Variants in ZC3H6 observed in about 807,000 individuals in gnomAD.
ZC3H6 encodes the protein zinc finger CCCH-type containing 6.
ZC3H6 carries 40 observed loss-of-function variants against 107.7 expected under a neutral mutation model. The observed-to-expected ratio is 0.37, with a 90% CI of 0.29 to 0.48. The LOEUF (loss-of-function observed/expected upper bound fraction) is 0.48. ZC3H6 is among the 20% of genes least tolerant of loss of function. The probability of loss-of-function intolerance (pLI) is 0.98; values close to 1 mark genes in which losing one functional copy is unlikely to be tolerated. For synonymous variants in ZC3H6, 493 were observed against 487.9 expected, an observed-to-expected ratio of 1.01 and a Z score of -0.14; for missense variants, 1,267 against 1,410.4, an observed-to-expected ratio of 0.90 and a Z score of 1.63.
chr2:112,308,922 C>T (rs1254351454), intron 3 of ZC3H6, among the ~76,000 whole-genome samples: 1 of 151,502 alleles, frequency 6.6e-6, no homozygotes, highest in Non-Finnish European at 1.5e-5. Context: ...CATGTTGGTG[C>T]GCGCCTGTAA....
intron 1 of ZC3H6, among the ~76,000 whole-genome samples, chr2:112,293,468 A>T (rs1431319027): frequency 1.3e-5 from 2 of 152,244 alleles, no homozygotes; most frequent in African/African-American, 4.8e-5. Flanking sequence ...AGATTTTACC[A>T]CTGATAATTT....
chr2:112,332,618 C>A lies in ZC3H6; in HGVS notation c.*130C>A. The A allele has an allele frequency of 1.1e-6, 1 of 877,376 alleles. No individual in the cohort carries two copies. Among genetic ancestry groups the A allele is most frequent in the Non-Finnish European group, 1.7e-6 (1 of 597,578 alleles). 54.3% of individuals were successfully genotyped at this position (877,376 alleles called of 1,614,324 possible). A position where few individuals can be genotyped will look rare whatever the true frequency, so the allele number is the denominator to read the frequency against. On this transcript the variant is annotated 3_prime_UTR_variant, in exon 12 of 12. Transcript: ENST00000409871. ...CACTTTTCAGCTGCTAGTATCAGAA[C>A]CACATGAAGTTATAGCCTCTAAAGC...
Position 112,331,301 on chromosome 2 carries a change from C to T in ZC3H6, c.2383C>T (p.His795Tyr), listed in dbSNP as rs190394708. The change falls in exon 12 of 12, where the codon CAC becomes TAC. Residue 795 changes from histidine (H) to tyrosine (Y), a missense_variant. Transcript: ENST00000409871. ...PRKLRGNGSG[H>Y]IGSSVGGAKF... is the part of the protein sequence containing the mutation. The stretch of plus-strand genomic sequence containing the variant: ...GAAATTGAGAGGGAATGGAAGTGGT[C>T]ACATAGGCTCTTCTGTTGGTGGAGC... 211 of 1,613,606 alleles carry T rather than the reference C, an allele frequency of 1.3e-4. No individual in the cohort carries two copies. Among genetic ancestry groups the T allele is most frequent in the Middle Eastern group, 1.6e-4 (1 of 6,062 alleles).
intron 5 of ZC3H6, among the ~76,000 whole-genome samples, chr2:112,313,072 C>T (rs1259350754): frequency 6.6e-6 from 1 of 152,020 alleles, no homozygotes; most frequent in Non-Finnish European, 1.5e-5. Flanking sequence ...TTTGCGAAAC[C>T]CAGCACATGC....
rs1558942559 is a variant in ZC3H6 at position 112,275,923 on chromosome 2, G to A, written c.-72G>A. 2.9e-6 allele frequency: 4 copies of A among 1,378,526 alleles called. No homozygotes were observed. The highest frequency in any genetic ancestry group is 3.9e-6 in the Non-Finnish European group (4 of 1,024,842). The allele number at this position is 1,378,526 out of a possible 1,614,324, so 85.4% of individuals were successfully genotyped here. The stretch of plus-strand genomic sequence containing the variant: ...GCAGGTTCCCGCAGGCGGCGCGGGG[G>A]GTCTTCCCCGCGCCCCGCCGCCGCC... On this transcript the variant is annotated 5_prime_UTR_variant, in exon 1 of 12. Transcript: ENST00000409871.
chr2:112,322,434 CAG>C (rs1242168221), intron 8 of ZC3H6, among the ~76,000 whole-genome samples: 9 of 151,912 alleles, frequency 5.9e-5, no homozygotes, highest in East Asian at 3.9e-4. Context: ...TTTGTAGAGA[CAG>C]GGGTTTCTCC....
At chr2:112,323,113 C>T (rs1003592849) in intron 9 of ZC3H6, among the ~76,000 whole-genome samples, 1 of 152,142 alleles carries the variant, frequency 6.6e-6, no homozygotes, top group African/African-American at 2.4e-5. Flanking sequence ...CCTTATACAG[C>T]TTCTGAAACT....
chr2:112,322,613 C>T (rs556943642), intron 8 of ZC3H6, 36 bp from the exon 9 acceptor site: 21 of 1,556,074 alleles, frequency 1.3e-5, no homozygotes, highest in East Asian at 6.8e-5. Flanking sequence ...GGAAAAGACT[C>T]GCTTTGAAAT....
rs1451539897 is a variant in ZC3H6 at position 112,338,502 on chromosome 2, G to A, written c.*6014G>A. 1 of 152,042 alleles carries A rather than the reference G, an allele frequency of 6.6e-6. No individual in the cohort carries two copies. Among genetic ancestry groups the A allele is most frequent in the East Asian group, 1.9e-4 (1 of 5,190 alleles). The allele number at this position is 152,042 out of a possible 1,614,324, so 9.4% of individuals were successfully genotyped here. A position where few individuals can be genotyped will look rare whatever the true frequency, so the allele number is the denominator to read the frequency against. On this transcript the variant is annotated 3_prime_UTR_variant, in exon 12 of 12. Coordinates refer to ENST00000409871, the MANE Select transcript of ZC3H6 (RefSeq NM_198581.3). ...AGTTCAAAGAAGATTGTGAGTTCTT[G>A]GAATAGTATTTTACAGCGTTGTTTA...
At position 112,310,013 on chromosome 2, in the gene ZC3H6, C is replaced by G. The variant is rs755544688; in HGVS notation, c.465C>G (p.Asn155Lys). Residue 155 changes from asparagine to lysine, a missense_variant, in exon 4 of 12, where the codon AAC becomes AAG. Asn to Lys is a moderately conservative substitution (Grantham distance 94, BLOSUM62 0). This residue lies in a region of ZC3H6 where 337 missense variants were observed against 361.2 expected (regional missense o/e 0.93). Transcript: ENST00000409871. ...ACTTCGGTAACTACAGTGATGACAA[C>G]TTTGGTAACTACGGTCAGGAAACAG... Reference protein sequence around the residue: ...DDNFGNYSDDNFGNYGQETEE... With the variant: ...DDNFGNYSDDKFGNYGQETEE... 6.2e-7 allele frequency: 1 copy of G among 1,613,586 alleles called. No individual in the cohort carries two copies. Among genetic ancestry groups the G allele is most frequent in the Non-Finnish European group, 8.5e-7 (1 of 1,179,770 alleles).
rs773553453 is a variant in ZC3H6 at position 112,324,522 on chromosome 2, C to G, written c.1711C>G (p.Pro571Ala). The change falls in exon 10 of 12, where the codon CCA becomes GCA. Residue 571 changes from proline (P) to alanine (A), a missense_variant. This residue lies in a region of ZC3H6 where 925 missense variants were observed against 1,025.7 expected (regional missense o/e 0.90). Coordinates refer to ENST00000409871, the MANE Select transcript of ZC3H6 (RefSeq NM_198581.3). ...AGTACCCAGAGAGAATCACTGTTCT[C>G]CAGGTTCATCATACCAGCAAAGTCC... Reference protein sequence around the residue: ...MKVPRENHCSPGSSYQQSPGE... With the variant: ...MKVPRENHCSAGSSYQQSPGE... 1 of 1,613,004 alleles carries G rather than the reference C, an allele frequency of 6.2e-7. No individual in the cohort carries two copies. Among genetic ancestry groups the G allele is most frequent in the East Asian group, 2.2e-5 (1 of 44,850 alleles).
At chr2:112,277,469 TTGTACA>T (rs1362789167) in intron 1 of ZC3H6, among the ~76,000 whole-genome samples, 2 of 152,132 alleles carry the variant, frequency 1.3e-5, no homozygotes, top group African/African-American at 4.8e-5. Context: ...GAGTTATGTA[TTGTACA>T]TCATGAAAAA....
At chr2:112,323,016 A>G (rs1335189736) in intron 9 of ZC3H6, 114 bp downstream of exon 9, 1 of 1,124,496 alleles carries the variant, frequency 8.9e-7, no homozygotes, top group Non-Finnish European at 1.3e-6. Flanking sequence ...GAGATAGCAC[A>G]TATCTGGCAT....
rs1677191645 is a variant in ZC3H6 at position 112,338,895 on chromosome 2, ATATAT to A, written c.*6408_*6412del. ...TATATATATATATATATATATATAT[ATATAT>A]ATATATATATATAATTTTTTTTTTT... On this transcript the variant is annotated 3_prime_UTR_variant, in exon 12 of 12. Coordinates refer to ENST00000409871, the MANE Select transcript of ZC3H6 (RefSeq NM_198581.3). 1 of 18,074 alleles carries A rather than the reference ATATAT, an allele frequency of 5.5e-5. No homozygotes were observed. Among genetic ancestry groups the A allele is most frequent in the Non-Finnish European group, 7.9e-5 (1 of 12,648 alleles). The allele number at this position is 18,074 out of a possible 1,614,324, so 1.1% of individuals were successfully genotyped here. A position where few individuals can be genotyped will look rare whatever the true frequency, so the allele number is the denominator to read the frequency against.
chr2:112,297,357 T>C (rs1024040831), intron 1 of ZC3H6, among the ~76,000 whole-genome samples: 1 of 152,194 alleles, frequency 6.6e-6, no homozygotes, highest in Non-Finnish European at 1.5e-5. Flanking sequence ...TACCTGGTAA[T>C]TCTAAATTAC....
intron 1 of ZC3H6, among the ~76,000 whole-genome samples, chr2:112,299,083 C>T (rs976650894): frequency 6.6e-6 from 1 of 152,056 alleles, no homozygotes; most frequent in Admixed American, 6.6e-5. Context: ...TGAGACCATC[C>T]TGGCTAACAC....
chr2:112,288,409 C>T (rs543418284), intron 1 of ZC3H6, among the ~76,000 whole-genome samples: 8 of 152,294 alleles, frequency 5.3e-5, no homozygotes, highest in East Asian at 1.9e-4. Flanking sequence ...AGGAAGCTTT[C>T]GTTGAGGGCT....
intron 11 of ZC3H6, among the ~76,000 whole-genome samples, chr2:112,326,811 C>T (rs770362687): frequency 2.0e-5 from 3 of 152,000 alleles, no homozygotes; most frequent in Non-Finnish European, 4.4e-5. Flanking sequence ...TGGGGTTTCA[C>T]TGTGTTGGCC....
intron 1 of ZC3H6, among the ~76,000 whole-genome samples, chr2:112,283,277 A>C (rs572036214): frequency 1.3e-5 from 2 of 152,150 alleles, no homozygotes; most frequent in Admixed American, 6.6e-5. Context: ...TCTTGGCAAA[A>C]AGCAAGCTTT....
Sources: gnomAD v4.1 joint callset for allele counts (sites outside exome capture counted in the v4.1 genomes callset) on GRCh38, gnomAD v4.1.1 for gene constraint, gnomAD v4.1.1 regional missense constraint, MANE v1.5 for transcripts, NCBI Gene and HGNC (gene_info 2026-07-23, HGNC 2026-07-21) for gene names.